Variants in LRBA observed in about 807,000 individuals in gnomAD.
LRBA encodes lipopolysaccharide-responsive and beige-like anchor protein.
A neutral mutation model predicts 330.0 loss-of-function variants in LRBA; 176 were observed. The ratio of observed to expected loss-of-function variants is 0.53; its 90% CI spans 0.47 to 0.60. The LOEUF is 0.60. LRBA is among the 20% of genes least tolerant of loss of function. LRBA has a pLI of 0.00. For synonymous variants in LRBA, 1,230 were observed against 1,193.0 expected, an observed-to-expected ratio of 1.03 and a Z score of -0.64; for missense variants, 3,259 against 3,444.8, an observed-to-expected ratio of 0.95 and a Z score of 1.35.
intron 41 of LRBA, among the ~76,000 whole-genome samples, chr4:150,490,514 T>C (rs531169315): frequency 6.6e-5 from 10 of 151,938 alleles, no homozygotes; most frequent in Middle Eastern, 3.4e-3. Context: ...AAAAGCAATA[T>C]ATCACATATA....
chr4:150,305,723 TTAACACAAATTA>T lies in LRBA; in HGVS notation c.7850-2943_7850-2932del, dbSNP rs1053860306. Among the ~76,000 whole-genome samples the T allele has an allele frequency of 7.9e-5, 12 of 152,346 alleles. 1 individual carries two copies. The highest frequency in any genetic ancestry group is 2.2e-4 in the African/African-American group (9 of 41,590). On this transcript the variant is annotated intron_variant, in intron 52 of 56. Coordinates refer to ENST00000651943, the MANE Select transcript of LRBA (RefSeq NM_001364905.1). ...AGTTACATCTAAAGGGTTTTATATGTTAACACAAATTAACTTTATTCTTTACAATTTATACTT... is the reference window on the plus strand; with the variant it reads ...AGTTACATCTAAAGGGTTTTATATGTACTTTATTCTTTACAATTTATACTT...
At chr4:150,452,589 T>C (rs1292830978) in intron 44 of LRBA, among the ~76,000 whole-genome samples, 13 of 146,522 alleles carry the variant, frequency 8.9e-5, no homozygotes, top group Non-Finnish European at 1.9e-4. Flanking sequence ...ACCACTGCAC[T>C]CCAGCCTGTG....
At chr4:150,776,651 G>A (rs1272161747) in intron 34 of LRBA, among the ~76,000 whole-genome samples, 9 of 151,734 alleles carry the variant, frequency 5.9e-5, no homozygotes, top group African/African-American at 2.2e-4. Flanking sequence ...CATCTCTACT[G>A]AAAATACAAA....
chr4:150,707,595 G>GC (rs1785756751), intron 36 of LRBA, among the ~76,000 whole-genome samples: 1 of 151,588 alleles, frequency 6.6e-6, no homozygotes, highest in Admixed American at 6.6e-5. Flanking sequence ...TAATGATATT[G>GC]AAAACAACAA....
chr4:150,557,752 C>CAT (rs2152262357), intron 40 of LRBA, among the ~76,000 whole-genome samples: 1 of 152,312 alleles, frequency 6.6e-6, no homozygotes, highest in African/African-American at 2.4e-5. Context: ...ATCCGCATCA[C>CAT]ATCATATCAT....
chr4:150,424,338 G>T (rs1749251886), intron 46 of LRBA, among the ~76,000 whole-genome samples: 1 of 152,100 alleles, frequency 6.6e-6, no homozygotes, highest in African/African-American at 2.4e-5. Context: ...TGATATAAAT[G>T]AGTTAAGTTC....
At chr4:150,440,150 T>G in intron 44 of LRBA, among the ~76,000 whole-genome samples, 1 of 152,136 alleles carries the variant, frequency 6.6e-6, no homozygotes, top group East Asian at 1.9e-4. Flanking sequence ...AGTATTTTTC[T>G]TAAAAAGCAA....
Position 150,583,748 on chromosome 4 carries a change from G to A in LRBA, c.6330+4300C>T, listed in dbSNP as rs920010301. ...CTACAGTTCGGGGAGGCGGAGAACC[G>A]CCTGCTGATGGGCGGCTGCCGAAAC... On this transcript the variant is annotated intron_variant, in intron 40 of 56. Coordinates refer to ENST00000651943, the MANE Select transcript of LRBA (RefSeq NM_001364905.1). This position sits in a 1 kb window ranked among gnomAD's most constrained non-coding sequence, Gnocchi z 9.8. The A allele has an allele frequency of 5.1e-5, 82 of 1,613,584 alleles. No homozygotes were observed. The highest frequency in any genetic ancestry group is 6.4e-5 in the Non-Finnish European group (76 of 1,179,856).
At chr4:150,491,097 T>C in intron 40 of LRBA, 62 bp from the exon 41 acceptor site, 9 of 753,428 alleles carry the variant, frequency 1.2e-5, no homozygotes, top group Admixed American at 7.6e-5. Flanking sequence ...GTTGTTTCTT[T>C]CCCCAATTAA....
At chr4:150,556,354 T>C (rs1302642210) in intron 40 of LRBA, among the ~76,000 whole-genome samples, 1 of 152,200 alleles carries the variant, frequency 6.6e-6, no homozygotes, top group Non-Finnish European at 1.5e-5. Flanking sequence ...ATGTTTGAAG[T>C]TTAATATATT....
intron 55 of LRBA, among the ~76,000 whole-genome samples, chr4:150,282,128 C>T (rs1315243670): frequency 1.3e-5 from 2 of 152,166 alleles, no homozygotes; most frequent in Non-Finnish European, 1.5e-5. Flanking sequence ...AAACAATGTG[C>T]AGTGCATTTT....
At chr4:150,323,674 T>C (rs766078093) in intron 49 of LRBA, among the ~76,000 whole-genome samples, 20 of 152,216 alleles carry the variant, frequency 1.3e-4, no homozygotes, top group Admixed American at 2.6e-4. Flanking sequence ...GAGCTCCTGA[T>C]GCAGGCAAGT....
chr4:150,911,935 C>G (rs1732039340), intron 9 of LRBA, among the ~76,000 whole-genome samples: 1 of 152,036 alleles, frequency 6.6e-6, no homozygotes, highest in South Asian at 2.1e-4. Flanking sequence ...ATGTATATTT[C>G]TAGAAAATTG....
chr4:150,268,255 T>C (rs1310755596), intron 56 of LRBA, among the ~76,000 whole-genome samples: 1 of 152,062 alleles, frequency 6.6e-6, no homozygotes, highest in African/African-American at 2.4e-5. Context: ...TGATTAGACT[T>C]ATGACAAGTG....
intron 37 of LRBA, among the ~76,000 whole-genome samples, chr4:150,645,634 C>T (rs1453487349): frequency 6.6e-6 from 1 of 151,798 alleles, no homozygotes; most frequent in Non-Finnish European, 1.5e-5. Context: ...TATAATGTAA[C>T]GGTATGCTAA....
At chr4:150,797,360 T>G (rs1740939925) in intron 34 of LRBA, among the ~76,000 whole-genome samples, 1 of 151,874 alleles carries the variant, frequency 6.6e-6, no homozygotes, top group African/African-American at 2.4e-5. Context: ...AAAGGCTATT[T>G]TAAAGTTTTA....
At chr4:150,946,667 A>C (rs943224120) in intron 2 of LRBA, among the ~76,000 whole-genome samples, 1 of 152,084 alleles carries the variant, frequency 6.6e-6, no homozygotes, top group African/African-American at 2.4e-5. Flanking sequence ...CAATAATCTA[A>C]GTTTCCATTT....
chr4:150,427,908 T>C (rs1472941297), intron 46 of LRBA, among the ~76,000 whole-genome samples: 2 of 151,958 alleles, frequency 1.3e-5, no homozygotes, highest in African/African-American at 4.8e-5. Flanking sequence ...ATTAACATGG[T>C]AGAAGATGTG....
chr4:150,900,967 T>C (rs1730658058), intron 13 of LRBA, among the ~76,000 whole-genome samples: 1 of 152,088 alleles, frequency 6.6e-6, no homozygotes, highest in Non-Finnish European at 1.5e-5. Context: ...GAGAAAGAAA[T>C]AATACAAGTG....
Sources: allele counts gnomAD v4.1 joint callset (sites outside exome capture counted in the v4.1 genomes callset), GRCh38; gene constraint gnomAD v4.1.1; non-coding constraint Gnocchi (gnomAD v3.1); transcripts MANE v1.5; gene names NCBI Gene and HGNC (gene_info 2026-07-23, HGNC 2026-07-21).